The following KCNH8 variants were observed in gnomAD, a reference collection of about 807,000 sequenced individuals.
The protein encoded by KCNH8 is voltage-gated delayed rectifier potassium channel KCNH8.
A neutral mutation model predicts 103.6 loss-of-function variants in KCNH8; 70 were observed. The observed-to-expected ratio is 0.68, with a 90% CI of 0.56 to 0.82. KCNH8 has a LOEUF of 0.82. KCNH8 is among the 40% of genes least tolerant of loss of function. KCNH8 has a pLI of 0.00. For missense variants in KCNH8, 1,217 were observed against 1,329.9 expected, an observed-to-expected ratio of 0.92 and a Z score of 1.32; for synonymous variants, 498 against 489.4, an observed-to-expected ratio of 1.02 and a Z score of -0.23.
At chr3:19,172,320 G>A (rs2063356164) in intron 1 of KCNH8, among the ~76,000 whole-genome samples, 1 of 152,026 alleles carries the variant, frequency 6.6e-6, no homozygotes, top group South Asian at 2.1e-4. Context: ...TTCTCCATAA[G>A]AATACATACC....
At chr3:19,211,327 T>TG (rs2063769042) in intron 1 of KCNH8, among the ~76,000 whole-genome samples, 1 of 152,168 alleles carries the variant, frequency 6.6e-6, no homozygotes, top group Non-Finnish European at 1.5e-5. Context: ...ATTTAAAAGA[T>TG]GGAGAGCCTA....
intron 5 of KCNH8, among the ~76,000 whole-genome samples, chr3:19,353,108 G>T (rs9682240): frequency 0.41 from 62,457 of 151,812 alleles, 13,983 homozygotes; most frequent in African/African-American, 0.59. Context: ...ATAAACACCT[G>T]TACTCAAATA....
At chr3:19,390,888 A>T (rs545040895) in intron 6 of KCNH8, among the ~76,000 whole-genome samples, 2 of 152,280 alleles carry the variant, frequency 1.3e-5, no homozygotes, top group African/African-American at 2.4e-5. Context: ...TGAATTTATC[A>T]TAAATACTGA....
intron 2 of KCNH8, among the ~76,000 whole-genome samples, chr3:19,262,744 G>A (rs1397387541): frequency 6.6e-6 from 1 of 152,010 alleles, no homozygotes; most frequent in Non-Finnish European, 1.5e-5. Flanking sequence ...ACTTGTAGTT[G>A]CTTTAGAATT....
In KCNH8 at chr3:19,383,804, A is replaced by G. The variant is rs895681820; in HGVS notation, c.812-6677A>G. Among the ~76,000 whole-genome samples the G allele has an allele frequency of 5.3e-5, 8 of 152,264 alleles. No homozygotes were observed. In the South Asian group the frequency reaches 1.7e-3, roughly 32 times the overall value. ...AGATTAGATAGTTCTTATATTTTCTATTTTTACTTAAACTTGGAAACTTTA... is the reference window on the plus strand; with the variant it reads ...AGATTAGATAGTTCTTATATTTTCTGTTTTTACTTAAACTTGGAAACTTTA... On this transcript the variant is annotated intron_variant, in intron 5 of 15. Coordinates refer to ENST00000328405, the MANE Select transcript of KCNH8 (RefSeq NM_144633.3).
intron 1 of KCNH8, among the ~76,000 whole-genome samples, chr3:19,226,276 T>A (rs958026935): frequency 2.6e-5 from 4 of 152,252 alleles, no homozygotes; most frequent in African/African-American, 9.6e-5. Flanking sequence ...ACATATTTGG[T>A]ATAATTATAT....
intron 1 of KCNH8, among the ~76,000 whole-genome samples, chr3:19,206,954 T>C (rs1196026685): frequency 6.6e-6 from 1 of 151,594 alleles, no homozygotes; most frequent in African/African-American, 2.4e-5. Context: ...AAATCACGGG[T>C]TTGGTTTTTG....
At chr3:19,517,361 A>T (rs2068892154) in intron 14 of KCNH8, among the ~76,000 whole-genome samples, 2 of 152,024 alleles carry the variant, frequency 1.3e-5, no homozygotes, top group African/African-American at 4.8e-5. Flanking sequence ...ATTGACCAGA[A>T]TTAGGATGGT....
At position 19,311,102 on chromosome 3, in the gene KCNH8, T is replaced by C. The variant is rs980199491; in HGVS notation, c.442+29773T>C. 4.6e-5 allele frequency among the ~76,000 whole-genome samples: 7 copies of C among 151,744 alleles called. No homozygotes were observed. The East Asian group carries it at 1.4e-3, about 30-fold the overall frequency. On this transcript the variant is annotated intron_variant, in intron 3 of 15. Transcript: ENST00000328405. Reference sequence around the variant, plus strand: ...CACCATTTAGTGCAGGTCCACAGATTGCCCTACCCAAACTCCCTTTATAAG... The same window carrying C: ...CACCATTTAGTGCAGGTCCACAGATCGCCCTACCCAAACTCCCTTTATAAG...
At chr3:19,275,508 G>A (rs1575488121) in intron 2 of KCNH8, among the ~76,000 whole-genome samples, 1 of 152,228 alleles carries the variant, frequency 6.6e-6, no homozygotes, top group South Asian at 2.1e-4. Context: ...CGTAAATTCA[G>A]TGAGGACTGA....
intron 1 of KCNH8, among the ~76,000 whole-genome samples, chr3:19,208,476 C>T (rs188753608): frequency 6.6e-6 from 1 of 151,884 alleles, no homozygotes; most frequent in Non-Finnish European, 1.5e-5. Context: ...TTTTCAACAA[C>T]TTTAAAAAAT....
intron 5 of KCNH8, among the ~76,000 whole-genome samples, chr3:19,371,028 G>T (rs1462934882): frequency 6.6e-6 from 1 of 152,090 alleles, no homozygotes; most frequent in African/African-American, 2.4e-5. Flanking sequence ...ATTTGGGTTG[G>T]TTCCAAGTCT....
At chr3:19,349,805 C>A (rs114781210) in intron 5 of KCNH8, among the ~76,000 whole-genome samples, 15 of 152,154 alleles carry the variant, frequency 9.9e-5, no homozygotes, top group African/African-American at 3.6e-4. Flanking sequence ...TGATAGCAAC[C>A]CCTAAATTCT....
intron 11 of KCNH8, among the ~76,000 whole-genome samples, chr3:19,458,940 T>C (rs145977620): frequency 6.6e-6 from 1 of 152,166 alleles, no homozygotes; most frequent in East Asian, 1.9e-4. Context: ...TCTTCTTTTT[T>C]AAGGCTGAAT....
chr3:19,153,642 T>C (rs562008649), intron 1 of KCNH8, among the ~76,000 whole-genome samples: 10 of 148,962 alleles, frequency 6.7e-5, no homozygotes, highest in South Asian at 2.1e-4. Context: ...TTTCTTTTTT[T>C]TTTTTTTTTT....
chr3:19,155,695 G>T (rs923160489), intron 1 of KCNH8, among the ~76,000 whole-genome samples: 3 of 152,138 alleles, frequency 2.0e-5, no homozygotes, highest in African/African-American at 7.2e-5. Context: ...CACTTGAAGA[G>T]CAAGATGCTT....
intron 3 of KCNH8, among the ~76,000 whole-genome samples, chr3:19,291,965 C>T (rs374520337): frequency 3.3e-5 from 5 of 152,264 alleles, no homozygotes; most frequent in South Asian, 4.1e-4. Flanking sequence ...TTGCCCTCAC[C>T]TGTGTGATAG....
chr3:19,178,365 A>G (rs989847276), intron 1 of KCNH8, among the ~76,000 whole-genome samples: 2 of 152,170 alleles, frequency 1.3e-5, no homozygotes, highest in East Asian at 1.9e-4. Flanking sequence ...TGCTGAAAAC[A>G]TAAGTTCAAA....
At chr3:19,325,879 C>T (rs971603076) in intron 3 of KCNH8, among the ~76,000 whole-genome samples, 1 of 152,114 alleles carries the variant, frequency 6.6e-6, no homozygotes, top group Non-Finnish European at 1.5e-5. Flanking sequence ...ATTATAAAGA[C>T]ATGCACATGT....
Sources: allele counts gnomAD v4.1 joint callset (sites outside exome capture counted in the v4.1 genomes callset), GRCh38; gene constraint gnomAD v4.1.1; transcripts MANE v1.5; gene names NCBI Gene and HGNC (gene_info 2026-07-23, HGNC 2026-07-21).